Variants in CC2D2A observed in about 807,000 individuals in gnomAD.
CC2D2A encodes the protein coiled-coil and C2 domain containing 2A.
Under a neutral mutation model 212.9 loss-of-function variants are expected in CC2D2A, and 155 were observed. The ratio of observed to expected loss-of-function variants is 0.73; its 90% CI spans 0.64 to 0.83. The LOEUF (loss-of-function observed/expected upper bound fraction) is 0.83. CC2D2A is among the 40% of genes least tolerant of loss of function. CC2D2A has a pLI of 0.00. For missense variants in CC2D2A, 1,856 were observed against 1,956.2 expected (o/e 0.95, Z 0.97); for synonymous variants, 667 against 686.5 (o/e 0.97, Z 0.44).
In CC2D2A at chr4:15,567,621, A is replaced by C. The variant is rs906310989; in HGVS notation, c.3289-56A>C. On this transcript the variant is annotated intron_variant, in intron 25 of 36. Transcript: ENST00000424120. ...TAGTAAATATACTCTATTTTTGCTA[A>C]GAATAAAATAATTTGACTAACCATT... 3 of 1,401,052 alleles carry C rather than the reference A, an allele frequency of 2.1e-6. No homozygotes were observed. In the African/African-American group the frequency reaches 4.4e-5, roughly 21 times the overall value. 86.8% of individuals were successfully genotyped at this position (1,401,052 alleles called of 1,614,324 possible). A position where few individuals can be genotyped will look rare whatever the true frequency, so the allele number is the denominator to read the frequency against.
At chr4:15,596,009 C>A in intron 33 of CC2D2A, 76 bp from the exon 34 acceptor site, 1 of 1,054,950 alleles carries the variant, frequency 9.5e-7, no homozygotes, top group Non-Finnish European at 1.3e-6. Context: ...CTCTATGCCA[C>A]ACATACATCC....
intron 27 of CC2D2A, 46 bp downstream of exon 27, chr4:15,569,435 C>A: frequency 9.4e-7 from 1 of 1,059,194 alleles, no homozygotes; most frequent in Non-Finnish European, 1.4e-6. Flanking sequence ...ACTTTCATAT[C>A]CTCTACCCAC....
intron 4 of CC2D2A, among the ~76,000 whole-genome samples, chr4:15,490,025 T>C (rs1175578370): frequency 1.3e-5 from 2 of 152,218 alleles, no homozygotes; most frequent in Non-Finnish European, 2.9e-5. Flanking sequence ...TCAATCTATA[T>C]ACTGACCAGT....
intron 4 of CC2D2A, among the ~76,000 whole-genome samples, chr4:15,501,109 C>A (rs772345993): frequency 6.6e-6 from 1 of 152,250 alleles, no homozygotes; most frequent in Middle Eastern, 3.4e-3. Context: ...ATAGCGGGGT[C>A]CTCCAGGTTG....
chr4:15,575,535 A>G (rs1457703214), intron 29 of CC2D2A, among the ~76,000 whole-genome samples: 2 of 152,200 alleles, frequency 1.3e-5, no homozygotes, highest in East Asian at 1.9e-4. Context: ...ACTCTAGTCT[A>G]TCCATTATAA....
intron 36 of CC2D2A, among the ~76,000 whole-genome samples, chr4:15,600,978 G>A (rs532536747): frequency 2.6e-5 from 4 of 151,450 alleles, no homozygotes; most frequent in South Asian, 2.1e-4. Context: ...CAATGGTTAC[G>A]ATGCATACTA....
At chr4:15,600,851 G>A (rs1456010803) in intron 36 of CC2D2A, among the ~76,000 whole-genome samples, 2 of 147,286 alleles carry the variant, frequency 1.4e-5, no homozygotes, top group African/African-American at 5.0e-5. Context: ...CTGCAGTGGT[G>A]AGCCATGATC....
intron 7 of CC2D2A, 69 bp downstream of exon 7, chr4:15,510,309 C>A: frequency 1.4e-6 from 2 of 1,380,856 alleles, no homozygotes; most frequent in Non-Finnish European, 2.0e-6. Context: ...TGACACATGA[C>A]TACAGGCCGG....
intron 11 of CC2D2A, among the ~76,000 whole-genome samples, chr4:15,522,708 T>A (rs891809106): frequency 6.6e-6 from 1 of 152,114 alleles, no homozygotes; most frequent in African/African-American, 2.4e-5. Flanking sequence ...TAATACATCT[T>A]AAGAAGTAAT....
intron 6 of CC2D2A, among the ~76,000 whole-genome samples, chr4:15,506,877 G>A (rs1716287591): frequency 6.6e-6 from 1 of 151,626 alleles, no homozygotes; most frequent in South Asian, 2.1e-4. Context: ...TTCGAGACCA[G>A]TCTGGCCAAC....
chr4:15,494,130 A>C (rs909379212), intron 4 of CC2D2A, among the ~76,000 whole-genome samples: 6 of 152,010 alleles, frequency 3.9e-5, no homozygotes, highest in African/African-American at 1.2e-4. Flanking sequence ...ATTCCTGACA[A>C]CTCTCAGAGT....
intron 4 of CC2D2A, among the ~76,000 whole-genome samples, chr4:15,487,167 AT>A (rs1370304758): frequency 6.6e-6 from 1 of 151,948 alleles, no homozygotes; most frequent in African/African-American, 2.4e-5. Context: ...CATTTGTTTT[AT>A]TTGCAGATTA....
At chr4:15,509,985 T>C (rs959374085) in intron 6 of CC2D2A, among the ~76,000 whole-genome samples, 154 bp from the exon 7 acceptor site, 1 of 152,184 alleles carries the variant, frequency 6.6e-6, no homozygotes, top group African/African-American at 2.4e-5. Context: ...ATGACTGCAT[T>C]TGAAATTTGC....
At chr4:15,591,935 G>C (rs1018146925) in intron 33 of CC2D2A, among the ~76,000 whole-genome samples, 3 of 152,188 alleles carry the variant, frequency 2.0e-5, no homozygotes, top group African/African-American at 7.2e-5. Flanking sequence ...ATGGGTAATA[G>C]TAGCTTATGA....
At chr4:15,535,247 C>T (rs980639346) in intron 14 of CC2D2A, among the ~76,000 whole-genome samples, 1 of 152,120 alleles carries the variant, frequency 6.6e-6, no homozygotes, top group Non-Finnish European at 1.5e-5. Flanking sequence ...AGAAGCAGTA[C>T]AGAAATCCTT....
intron 4 of CC2D2A, 134 bp downstream of exon 4, chr4:15,480,961 C>G: frequency 9.5e-7 from 1 of 1,058,144 alleles, no homozygotes; most frequent in East Asian, 2.7e-5. Context: ...TTTACCCCAA[C>G]TTGGTGAGTG....
chr4:15,568,916 G>T (rs1720027801), intron 26 of CC2D2A, among the ~76,000 whole-genome samples: 2 of 152,088 alleles, frequency 1.3e-5, no homozygotes, highest in South Asian at 4.1e-4. Flanking sequence ...CACCCTTCTG[G>T]GGCCCATTTG....
intron 4 of CC2D2A, among the ~76,000 whole-genome samples, chr4:15,500,279 T>C (rs1715871429): frequency 6.6e-6 from 1 of 152,054 alleles, no homozygotes; most frequent in Admixed American, 6.6e-5. Flanking sequence ...ACCACCTTTG[T>C]ATATGGGGTC....
intron 4 of CC2D2A, among the ~76,000 whole-genome samples, chr4:15,493,421 A>G (rs1715432540): frequency 6.6e-6 from 1 of 152,024 alleles, no homozygotes; most frequent in Non-Finnish European, 1.5e-5. Flanking sequence ...AGCTGGGACT[A>G]CAGGTGTACA....
Sources: allele counts gnomAD v4.1 joint callset (sites outside exome capture counted in the v4.1 genomes callset), GRCh38; gene constraint gnomAD v4.1.1; transcripts MANE v1.5; gene names NCBI Gene and HGNC (gene_info 2026-07-23, HGNC 2026-07-21).